NCOA1: variants seen among roughly 807,000 people sequenced by gnomAD.
The protein encoded by NCOA1 is nuclear receptor coactivator 1, also known as Hin-2 protein.
NCOA1 carries 35 observed loss-of-function variants against 150.9 expected under a neutral mutation model. That is an observed-to-expected ratio of 0.23 (90% CI 0.18 to 0.31). NCOA1 has a LOEUF of 0.31. Ranked by LOEUF, NCOA1 falls within the 10% of genes least tolerant of loss-of-function variation. NCOA1 has a pLI of 1.00. For synonymous variants in NCOA1, 590 were observed against 630.0 expected, an observed-to-expected ratio of 0.94 and a Z score of 0.95; for missense variants, 1,491 against 1,749.3, an observed-to-expected ratio of 0.85 and a Z score of 2.63.
chr2:24,689,559 A>G (rs1672566738), intron 8 of NCOA1, among the ~76,000 whole-genome samples: 1 of 152,022 alleles, frequency 6.6e-6, no homozygotes, highest in East Asian at 1.9e-4. Flanking sequence ...CACCTGGCTA[A>G]TTTTCTGTAA....
chr2:24,707,440 T>C lies in NCOA1; in HGVS notation c.1970T>C (p.Val657Ala). The part of the protein sequence containing the change: ...HADIDTSCKD[V>A]LSCTGTSNSA... Reference sequence around the variant, plus strand: ...GATATAGACACAAGCTGCAAAGATGTCCTGTCTTGCACAGGCACTTCCAAC... The same window carrying C: ...GATATAGACACAAGCTGCAAAGATGCCCTGTCTTGCACAGGCACTTCCAAC... Residue 657 changes from valine (V) to alanine (A), a missense_variant, in exon 13 of 23, where the codon GTC becomes GCC. Physicochemically the swap from Val to Ala is moderately conservative, Grantham distance 64 (BLOSUM62 0). Coordinates refer to ENST00000348332, the MANE Select transcript of NCOA1 (RefSeq NM_003743.5). The C allele has an allele frequency of 6.2e-7, 1 of 1,614,226 alleles. No individual in the cohort carries two copies.
At position 24,769,100 on chromosome 2, in the gene NCOA1, C is replaced by T. The variant is rs1665210346; in HGVS notation, c.*709C>T. On this transcript the variant is annotated 3_prime_UTR_variant, in exon 23 of 23. Transcript: ENST00000348332. Reference sequence around the variant, plus strand: ...AATTTTTGATGAGATGGGTGAAGGACAAGAAGTGAGTTGTGTCAATTATTG... The same window carrying T: ...AATTTTTGATGAGATGGGTGAAGGATAAGAAGTGAGTTGTGTCAATTATTG... 4.7e-6 allele frequency: 1 copy of T among 212,588 alleles called. No individual in the cohort carries two copies. The highest frequency in any genetic ancestry group is 9.5e-6 in the Non-Finnish European group (1 of 105,036). The allele number at this position is 212,588 out of a possible 1,614,324, so 13.2% of individuals were successfully genotyped here. A position where few individuals can be genotyped will look rare whatever the true frequency, so the allele number is the denominator to read the frequency against.
chr2:24,749,397 T>C (rs1664105673), intron 19 of NCOA1, among the ~76,000 whole-genome samples: 1 of 152,216 alleles, frequency 6.6e-6, no homozygotes, highest in Non-Finnish European at 1.5e-5. Context: ...CATTCAAGTC[T>C]TCAGCTGAGA....
At chr2:24,578,562 G>A (rs1667077976) in intron 2 of NCOA1, among the ~76,000 whole-genome samples, 2 of 152,022 alleles carry the variant, frequency 1.3e-5, no homozygotes, top group African/African-American at 2.4e-5. Context: ...TAGCTCTTAA[G>A]GAAAAGAGTT....
At chr2:24,692,611 A>G (rs1452683195) in intron 9 of NCOA1, among the ~76,000 whole-genome samples, 2 of 152,190 alleles carry the variant, frequency 1.3e-5, no homozygotes, top group East Asian at 3.8e-4. Context: ...ACAAAACTGT[A>G]TTTTAAAAAA....
At chr2:24,582,148 G>A (rs1357122105) in intron 2 of NCOA1, among the ~76,000 whole-genome samples, 12 of 152,150 alleles carry the variant, frequency 7.9e-5, no homozygotes, top group Admixed American at 7.9e-4. Context: ...ATCTACATTG[G>A]AAAAGAGGAA....
chr2:24,599,575 A>T (rs1668022051), intron 3 of NCOA1, among the ~76,000 whole-genome samples: 1 of 152,166 alleles, frequency 6.6e-6, no homozygotes, highest in Non-Finnish European at 1.5e-5. Context: ...TTATTTACAC[A>T]GTGGGACAAA....
chr2:24,593,242 T>C (rs1423286771), intron 3 of NCOA1, among the ~76,000 whole-genome samples: 1 of 152,144 alleles, frequency 6.6e-6, no homozygotes, highest in Non-Finnish European at 1.5e-5. Context: ...CTATATTTAT[T>C]AAACTCTTTA....
At chr2:24,725,714 C>CGTGTGTGTGTGTGT (rs57720230) in intron 14 of NCOA1, among the ~76,000 whole-genome samples, 40 of 148,986 alleles carry the variant, frequency 2.7e-4, no homozygotes, top group African/African-American at 8.5e-4. Context: ...CTAAAGTGTG[C>CGTGTGTGTGTGTGT]GTGTGTGTGT....
At chr2:24,491,846 T>A (rs1662974738) in intron 1 of NCOA1, 1 of 151,630 alleles carries the variant, frequency 6.6e-6, no homozygotes, top group Admixed American at 6.6e-5. Context: ...GGGAAATCGC[T>A]GCAGCAGCGA....
intron 1 of NCOA1, among the ~76,000 whole-genome samples, chr2:24,540,590 C>G (rs1016374993): frequency 6.6e-6 from 1 of 152,046 alleles, no homozygotes; most frequent in African/African-American, 2.4e-5. Flanking sequence ...TCCCCAGTAG[C>G]TGGGATTACA....
intron 6 of NCOA1, among the ~76,000 whole-genome samples, chr2:24,669,963 C>A (rs1671608930): frequency 6.6e-6 from 1 of 152,132 alleles, no homozygotes; most frequent in Non-Finnish European, 1.5e-5. Flanking sequence ...CATAGCAAGA[C>A]CCTCTGTCTA....
At chr2:24,562,950 G>A (rs1666346778) in intron 1 of NCOA1, among the ~76,000 whole-genome samples, 1 of 152,206 alleles carries the variant, frequency 6.6e-6, no homozygotes, top group Non-Finnish European at 1.5e-5. Flanking sequence ...ACATCACAGG[G>A]AAGGAAGGAA....
At chr2:24,749,767 A>T (rs1432277158) in intron 19 of NCOA1, among the ~76,000 whole-genome samples, 1 of 152,256 alleles carries the variant, frequency 6.6e-6, no homozygotes, top group Non-Finnish European at 1.5e-5. Flanking sequence ...AAGGTCTGGA[A>T]TCTGATTTTT....
intron 1 of NCOA1, among the ~76,000 whole-genome samples, chr2:24,530,062 A>T (rs1664815587): frequency 6.6e-6 from 1 of 152,240 alleles, no homozygotes; most frequent in African/African-American, 2.4e-5. Flanking sequence ...TGCAAAGTGC[A>T]TCCAAAGAGT....
At chr2:24,660,784 G>T (rs1295487179) in intron 5 of NCOA1, among the ~76,000 whole-genome samples, 1 of 152,054 alleles carries the variant, frequency 6.6e-6, no homozygotes, top group Non-Finnish European at 1.5e-5. Context: ...CTTTGGCTGG[G>T]TACAGTGGTT....
At chr2:24,539,365 A>G (rs184597992) in intron 1 of NCOA1, among the ~76,000 whole-genome samples, 2 of 152,322 alleles carry the variant, frequency 1.3e-5, no homozygotes, top group Admixed American at 1.3e-4. Flanking sequence ...ATGCAAAGAT[A>G]TGAAGGCCTG....
At chr2:24,756,071 TAAAAAAAAA>T (rs369987098) in intron 20 of NCOA1, among the ~76,000 whole-genome samples, 29 of 108,192 alleles carry the variant, frequency 2.7e-4, no homozygotes, top group East Asian at 5.5e-4. Context: ...CCATCTCTAC[TAAAAAAAAA>T]AAAAAAAAAA....
chr2:24,709,489 C>T lies in NCOA1; in HGVS notation c.2419-1442C>T, dbSNP rs553687386. ...TTTTGTAAATTGCCTAGTCTAGTCT[C>T]GTGACCATTTTTTAATGTGTTTTTA... On this transcript the variant is annotated intron_variant, in intron 13 of 22. Coordinates refer to ENST00000348332, the MANE Select transcript of NCOA1 (RefSeq NM_003743.5). 1.4e-4 allele frequency among the ~76,000 whole-genome samples: 22 copies of T among 152,226 alleles called. No individual in the cohort carries two copies. In the East Asian group the frequency reaches 3.1e-3, roughly 21 times the overall value.
Sources: gnomAD v4.1 joint callset for allele counts (sites outside exome capture counted in the v4.1 genomes callset) on GRCh38, gnomAD v4.1.1 for gene constraint, MANE v1.5 for transcripts, NCBI Gene and HGNC (gene_info 2026-07-23, HGNC 2026-07-21) for gene names.